RPL13A: variants seen among roughly 807,000 people sequenced by gnomAD.
RPL13A encodes ribosomal protein L13a, also known as large ribosomal subunit protein uL13.
A neutral mutation model predicts 30.8 loss-of-function variants in RPL13A; 4 were observed. The ratio of observed to expected loss-of-function variants is 0.13; its 90% CI spans 0.06 to 0.30. The LOEUF (loss-of-function observed/expected upper bound fraction) is 0.30, where lower values mean the gene tolerates loss of function less well. Among genes scored for constraint, RPL13A ranks in the 10% least tolerant of loss-of-function variants. RPL13A has a pLI of 1.00. For missense variants in RPL13A, 196 were observed against 272.6 expected (o/e 0.72, Z 1.98); for synonymous variants, 108 against 104.2 (o/e 1.04, Z -0.22).
chr19:49,490,087 A>C lies in RPL13A; in HGVS notation c.89-145A>C, dbSNP rs79702370. On this transcript the variant is annotated intron_variant, in intron 2 of 7. Transcript: ENST00000391857. ...CCCAGGGTTGGGGACTCCAGGCTCA[A>C]GAAGTAATTATGTATTAGGCTAGTT... is the stretch of plus-strand genomic sequence containing the variant. 4.8e-6 allele frequency: 5 copies of C among 1,040,074 alleles called. No homozygotes were observed. In the East Asian group the frequency reaches 1.2e-4, roughly 25 times the overall value. The allele number at this position is 1,040,074 out of a possible 1,614,324, so 64.4% of individuals were successfully genotyped here.
chr19:49,490,425 T>G (rs920424014), intron 3 of RPL13A, 50 bp from the exon 4 acceptor site: 49 of 1,602,908 alleles, frequency 3.1e-5, no homozygotes, highest in Non-Finnish European at 3.9e-5. Context: ...AAGTGGGGTT[T>G]TGGGGGTGCT....
intron 1 of RPL13A, among the ~76,000 whole-genome samples, chr19:49,488,836 C>G (rs2517977): frequency 0.31 from 46,887 of 152,142 alleles, 13,779 homozygotes; most frequent in African/African-American, 0.77. Context: ...TTCCCGAGTA[C>G]CTGGGACTGC....
intron 1 of RPL13A, among the ~76,000 whole-genome samples, chr19:49,487,922 G>A (rs1419148132): frequency 6.6e-6 from 1 of 152,106 alleles, no homozygotes; most frequent in Non-Finnish European, 1.5e-5. Flanking sequence ...CCTTGAACTC[G>A]GGTAGTGGGT....
At chr19:49,488,742 GAC>G (rs914756888) in intron 1 of RPL13A, among the ~76,000 whole-genome samples, 1 of 152,236 alleles carries the variant, frequency 6.6e-6, no homozygotes, top group Non-Finnish European at 1.5e-5. Flanking sequence ...GTCTCGCTGT[GAC>G]ACCCAGGCTG....
At chr19:49,488,093 A>G (rs1003247669) in intron 1 of RPL13A, among the ~76,000 whole-genome samples, 2 of 152,042 alleles carry the variant, frequency 1.3e-5, no homozygotes, top group South Asian at 2.1e-4. Context: ...GGCTACTTTG[A>G]TTTCACGTGG....
chr19:49,491,645 C>T (rs1601166109), intron 7 of RPL13A, 84 bp from the exon 8 acceptor site: 4 of 1,570,450 alleles, frequency 2.5e-6, no homozygotes, highest in East Asian at 4.6e-5. Flanking sequence ...AAAGGACCAG[C>T]CGGGGTTGGG....
chr19:49,487,666 G>T, intron 1 of RPL13A, 22 bp downstream of exon 1: 1 of 1,519,870 alleles, frequency 6.6e-7, no homozygotes, highest in Non-Finnish European at 8.8e-7. Context: ...GCGCGGGCCG[G>T]GGCGGCAAGG....
rs1169016272 is a variant in RPL13A at position 49,489,918 on chromosome 19, G to A, written c.84G>A (p.Leu28=). ...CGGCCATCGTGGCTAAACAGGTACT[G>A]CTGGGTAAGTCGCTGCTCGTGGCCC... The part of the protein sequence containing the change: ...RLAAIVAKQV[L]LGRKVVVVRC... The change falls in exon 2 of 8, where the codon CTG becomes CTA. Residue 28 remains leucine, a synonymous_variant. Transcript: ENST00000391857. 1 of 1,613,346 alleles carries A rather than the reference G, an allele frequency of 6.2e-7. No individual in the cohort carries two copies.
intron 1 of RPL13A, 80 bp downstream of exon 1, chr19:49,487,724 G>C (rs894402352): frequency 7.2e-7 from 1 of 1,379,704 alleles, no homozygotes; most frequent in Non-Finnish European, 9.6e-7. Flanking sequence ...TCTCTGTCTT[G>C]CATGTTTTGC....
At chr19:49,488,473 G>A (rs1169970494) in intron 1 of RPL13A, among the ~76,000 whole-genome samples, 7 of 152,216 alleles carry the variant, frequency 4.6e-5, no homozygotes, top group African/African-American at 1.7e-4. Flanking sequence ...GTGTCTTTGT[G>A]CCTAGCACAG....
intron 1 of RPL13A, among the ~76,000 whole-genome samples, chr19:49,489,518 C>T (rs559388145): frequency 7.9e-4 from 121 of 152,278 alleles, no homozygotes; most frequent in African/African-American, 2.7e-3. Flanking sequence ...GGTCTTGTAA[C>T]TGGGTAGTCA....
At chr19:49,489,624 G>C (rs1246486939) in intron 1 of RPL13A, among the ~76,000 whole-genome samples, 1 of 152,248 alleles carries the variant, frequency 6.6e-6, no homozygotes, top group African/African-American at 2.4e-5. Flanking sequence ...GATATGAGGG[G>C]AGTTTGGGCC....
intron 6 of RPL13A, 86 bp from the exon 7 acceptor site, chr19:49,491,339 C>A: frequency 1.5e-6 from 2 of 1,329,276 alleles, no homozygotes; most frequent in South Asian, 1.2e-5. Flanking sequence ...CACCTCCCAG[C>A]TCTCAACAGC....
chr19:49,487,881 G>C (rs2079822163), intron 1 of RPL13A, among the ~76,000 whole-genome samples: 1 of 152,198 alleles, frequency 6.6e-6, no homozygotes, highest in African/African-American at 2.4e-5. Context: ...TTCCAGCACA[G>C]GACAGGTATT....
chr19:49,491,583 A>ACT, intron 7 of RPL13A, 36 bp downstream of exon 7: 1 of 1,551,504 alleles, frequency 6.4e-7, no homozygotes, highest in Non-Finnish European at 8.7e-7. Context: ...GGGGCATCTC[A>ACT]CTCCTGGACA....
intron 1 of RPL13A, among the ~76,000 whole-genome samples, chr19:49,488,324 T>C (rs1276976878): frequency 6.6e-6 from 1 of 152,176 alleles, no homozygotes; most frequent in Non-Finnish European, 1.5e-5. Context: ...CTGGGGGCCC[T>C]TTCCCTGGCT....
chr19:49,487,846 C>T (rs1006718210), intron 1 of RPL13A, among the ~76,000 whole-genome samples: 19 of 152,200 alleles, frequency 1.2e-4, no homozygotes, highest in South Asian at 2.1e-4. Flanking sequence ...GTGGCATTTC[C>T]TTCTCGAGGC....
At chr19:49,491,267 G>A (rs1306527654) in intron 6 of RPL13A, 158 bp from the exon 7 acceptor site, 5 of 1,166,606 alleles carry the variant, frequency 4.3e-6, no homozygotes, top group Non-Finnish European at 5.1e-6. Flanking sequence ...GGAGGCTTGG[G>A]TGGGTGCTTT....
chr19:49,490,850 C>A lies in RPL13A; in HGVS notation c.328C>A (p.Pro110Thr), dbSNP rs770766557. The change falls in exon 5 of 8, where the codon CCG becomes ACG. Residue 110 changes from proline (P) to threonine (T), a missense_variant. Coordinates refer to ENST00000391857, the MANE Select transcript of RPL13A (RefSeq NM_012423.4). ...DRLKVFDGIP[P>T]PYDKKKRMVV... ...TCTCAAGGTGTTTGACGGCATCCCA[C>A]CGCCCTACGACAAGGTGAGCTATGC... 4 of 1,614,026 alleles carry A rather than the reference C, an allele frequency of 2.5e-6. No individual in the cohort carries two copies. Among genetic ancestry groups the A allele is most frequent in the Non-Finnish European group, 3.4e-6 (4 of 1,180,052 alleles).
Sources: allele counts gnomAD v4.1 joint callset (sites outside exome capture counted in the v4.1 genomes callset), GRCh38; gene constraint gnomAD v4.1.1; transcripts MANE v1.5; gene names NCBI Gene and HGNC (gene_info 2026-07-23, HGNC 2026-07-21).